The following CRYBG3 variants were observed in gnomAD, a reference collection of about 807,000 sequenced individuals.
The protein encoded by CRYBG3 is very large A-kinase anchor protein.
Under a neutral mutation model 244.2 loss-of-function variants are expected in CRYBG3, and 127 were observed. The observed-to-expected ratio is 0.52, with a 90% confidence interval of 0.45 to 0.60. The LOEUF is 0.60. CRYBG3 is among the 20% of genes least tolerant of loss of function. The probability of loss-of-function intolerance (pLI) is 0.00; values close to 1 mark genes in which losing one functional copy is unlikely to be tolerated. For synonymous variants in CRYBG3, 1,132 were observed against 1,195.8 expected, an observed-to-expected ratio of 0.95 and a Z score of 1.10; for missense variants, 3,325 against 3,442.5, an observed-to-expected ratio of 0.97 and a Z score of 0.85.
At chr3:97,880,128 A>T (rs1283869807) in intron 6 of CRYBG3, 28 bp downstream of exon 6, 1 of 1,173,196 alleles carries the variant, frequency 8.5e-7, no homozygotes, top group African/African-American at 1.6e-5. Flanking sequence ...ATTTTATAGC[A>T]TATTTTCTTA....
chr3:97,927,816 C>A (rs1006551517), intron 17 of CRYBG3, among the ~76,000 whole-genome samples: 1 of 152,060 alleles, frequency 6.6e-6, no homozygotes, highest in Admixed American at 6.6e-5. Context: ...TGCTCAACAT[C>A]CCTAATCAGT....
rs2038507591 is a variant in CRYBG3 at position 97,822,105 on chromosome 3, C to T, written c.-102C>T. On this transcript the variant is annotated 5_prime_UTR_variant, in exon 1 of 22. Coordinates refer to ENST00000389622, the MANE Select transcript of CRYBG3 (RefSeq NM_153605.4). Reference sequence around the variant, plus strand: ...CGCTGGCAGCTCGCGTCGAGTCGGTCTGCCCTAGCCGCATCCCGCGGCGCC... The same window carrying T: ...CGCTGGCAGCTCGCGTCGAGTCGGTTTGCCCTAGCCGCATCCCGCGGCGCC... 1.4e-5 allele frequency: 15 copies of T among 1,043,104 alleles called. No homozygotes were observed. The highest frequency in any genetic ancestry group is 1.9e-5 in the Non-Finnish European group (15 of 794,110). 64.6% of individuals were successfully genotyped at this position (1,043,104 alleles called of 1,614,324 possible). A position where few individuals can be genotyped will look rare whatever the true frequency, so the allele number is the denominator to read the frequency against.
At chr3:97,931,847 G>A (rs1176452486) in intron 17 of CRYBG3, among the ~76,000 whole-genome samples, 4 of 151,800 alleles carry the variant, frequency 2.6e-5, no homozygotes, top group Non-Finnish European at 5.9e-5. Flanking sequence ...TTAGGTCTGG[G>A]TCTATTTTTC....
chr3:97,871,004 G>A (rs936790807), intron 3 of CRYBG3, among the ~76,000 whole-genome samples: 3 of 152,152 alleles, frequency 2.0e-5, no homozygotes, highest in Non-Finnish European at 2.9e-5. Flanking sequence ...CTGAGTCTTA[G>A]AGGGCATTAG....
chr3:97,932,544 A>G (rs1380066355), intron 17 of CRYBG3, among the ~76,000 whole-genome samples: 1 of 151,956 alleles, frequency 6.6e-6, no homozygotes, highest in Admixed American at 6.6e-5. Flanking sequence ...CTGTTCATTT[A>G]TTGTTCTTTG....
rs780270325 is a variant in CRYBG3, at chr3:97,881,213, C to T, written c.7146C>T (p.Val2382=). The T allele has an allele frequency of 1.4e-5, 22 of 1,595,530 alleles. No individual in the cohort carries two copies. The highest frequency in any genetic ancestry group is 1.8e-5 in the Non-Finnish European group (21 of 1,172,364). The part of the protein sequence containing the change: ...RNFILGSLKR[V]LKDCSIPEIE... ...TTATATTGGGTTCTCTCAAACGTGT[C>T]TTAAAGGTAACAACTGTAGATTTTT... Residue 2382 remains valine, a synonymous_variant, in exon 7 of 22, where the codon GTC becomes GTT. Transcript: ENST00000389622.
At chr3:97,910,514 G>A (rs1012181590) in intron 15 of CRYBG3, among the ~76,000 whole-genome samples, 4 of 152,206 alleles carry the variant, frequency 2.6e-5, no homozygotes, top group African/African-American at 9.7e-5. Flanking sequence ...CGATTTTCCA[G>A]GTGCTGTCCG....
chr3:97,844,631 T>C (rs1279685881), intron 2 of CRYBG3, among the ~76,000 whole-genome samples: 1 of 152,224 alleles, frequency 6.6e-6, no homozygotes, highest in Non-Finnish European at 1.5e-5. Context: ...TGGCTTATTT[T>C]AGCTATACTT....
intron 2 of CRYBG3, among the ~76,000 whole-genome samples, chr3:97,850,362 G>A (rs1015359032): frequency 2.6e-5 from 4 of 152,138 alleles, no homozygotes; most frequent in Non-Finnish European, 5.9e-5. Flanking sequence ...ACTTTAAATA[G>A]TACATATAAC....
At chr3:97,924,503 G>T (rs1376610267) in intron 17 of CRYBG3, 1 of 399,226 alleles carries the variant, frequency 2.5e-6, no homozygotes, top group Non-Finnish European at 4.9e-6. Flanking sequence ...CAGTCTTGCA[G>T]TTCCACAAGT....
At chr3:97,829,268 A>C (rs2038622009) in intron 1 of CRYBG3, among the ~76,000 whole-genome samples, 1 of 152,238 alleles carries the variant, frequency 6.6e-6, no homozygotes, top group Non-Finnish European at 1.5e-5. Context: ...AATGCAGAGT[A>C]ATTTGATATT....
chr3:97,881,332 A>G, intron 7 of CRYBG3, 113 bp downstream of exon 7: 1 of 634,106 alleles, frequency 1.6e-6, no homozygotes, highest in Non-Finnish European at 2.6e-6. Context: ...GCTGTTATTA[A>G]TCTTCATTAC....
At chr3:97,922,537 A>T (rs2039994617) in intron 17 of CRYBG3, among the ~76,000 whole-genome samples, 2 of 152,356 alleles carry the variant, frequency 1.3e-5, no homozygotes, top group Admixed American at 6.5e-5. Context: ...GGATATGAAC[A>T]GACACTTCTC....
intron 3 of CRYBG3, among the ~76,000 whole-genome samples, chr3:97,869,895 G>A (rs1576533931): frequency 6.6e-6 from 1 of 152,134 alleles, no homozygotes; most frequent in South Asian, 2.1e-4. Flanking sequence ...AGTTGGTGAA[G>A]TTTTTACATG....
chr3:97,865,208 A>C (rs996932408), intron 3 of CRYBG3, among the ~76,000 whole-genome samples: 2 of 152,206 alleles, frequency 1.3e-5, no homozygotes, highest in African/African-American at 4.8e-5. Flanking sequence ...AATGAGGTAG[A>C]AGGAATATTT....
At position 97,872,692 on chromosome 3, in the gene CRYBG3, G is replaced by A; in HGVS notation, c.1498G>A (p.Ala500Thr). 1 of 1,535,950 alleles carries A rather than the reference G, an allele frequency of 6.5e-7. No homozygotes were observed. The highest frequency in any genetic ancestry group is 2.4e-5 in the East Asian group (1 of 40,914). ...HTNIIALQRH[A>T]VTDTEFVNEG... ...CAATATCATTGCTCTTCAGAGACATGCTGTGACAGACACAGAATTTGTAAA... is the reference window on the plus strand; with the variant it reads ...CAATATCATTGCTCTTCAGAGACATACTGTGACAGACACAGAATTTGTAAA... Residue 500 changes from alanine to threonine, a missense_variant, in exon 4 of 22, where the codon GCT becomes ACT. Ala to Thr is a moderately conservative substitution (Grantham distance 58). Coordinates refer to ENST00000389622, the MANE Select transcript of CRYBG3 (RefSeq NM_153605.4).
chr3:97,870,828 A>G (rs1289030737), intron 3 of CRYBG3, among the ~76,000 whole-genome samples: 1 of 152,226 alleles, frequency 6.6e-6, no homozygotes, highest in East Asian at 1.9e-4. Flanking sequence ...ATTAGGACAC[A>G]GTACCTTCCC....
At chr3:97,914,321 T>C (rs144471458) in intron 16 of CRYBG3, among the ~76,000 whole-genome samples, 1 of 152,144 alleles carries the variant, frequency 6.6e-6, no homozygotes, top group African/African-American at 2.4e-5. Context: ...TGGCTCTAAG[T>C]TCCTTCTCCA....
At chr3:97,881,484 G>A (rs2039445904) in intron 7 of CRYBG3, among the ~76,000 whole-genome samples, 1 of 152,100 alleles carries the variant, frequency 6.6e-6, no homozygotes, top group African/African-American at 2.4e-5. Context: ...GGGAGGCTGA[G>A]GTGGGCAGAT....
Sources: allele counts gnomAD v4.1 joint callset (sites outside exome capture counted in the v4.1 genomes callset), GRCh38; gene constraint gnomAD v4.1.1; transcripts MANE v1.5; gene names NCBI Gene and HGNC (gene_info 2026-07-23, HGNC 2026-07-21).